Variants in NOSTRIN observed in about 807,000 individuals in gnomAD.
The protein encoded by NOSTRIN is BM247 homolog.
Under a neutral mutation model 59.0 loss-of-function variants are expected in NOSTRIN, and 63 were observed. The observed-to-expected ratio is 1.07, with a 90% CI of 0.87 to 1.32. NOSTRIN has a LOEUF of 1.32. Among genes scored for constraint, NOSTRIN ranks in the 40% most tolerant of loss-of-function variants. The pLI, the probability that NOSTRIN is intolerant of heterozygous loss-of-function variation, is 0.00. For missense variants in NOSTRIN, 512 were observed against 473.1 expected (o/e 1.08, Z -0.76); for synonymous variants, 200 against 165.4 (o/e 1.21, Z -1.61).
intron 7 of NOSTRIN, among the ~76,000 whole-genome samples, chr2:168,834,541 A>ACACACACACACACACACACACACC (rs58702721): frequency 9.3e-5 from 13 of 140,358 alleles, no homozygotes; most frequent in African/African-American, 1.8e-4. Flanking sequence ...ACACACACAC[A>ACACACACACACACACACACACACC]CCACATACAT....
chr2:168,797,783 G>T (rs1685525245), upstream of NOSTRIN, among the ~76,000 whole-genome samples: 1 of 151,984 alleles, frequency 6.6e-6, no homozygotes, highest in South Asian at 2.1e-4. Flanking sequence ...TTTGAGACAA[G>T]CTTGGGCAAC....
chr2:168,856,922 T>A (rs1233635374), intron 12 of NOSTRIN, 144 bp downstream of exon 12: 6 of 687,850 alleles, frequency 8.7e-6, no homozygotes, highest in African/African-American at 1.8e-5. Flanking sequence ...TAGGGTCAGC[T>A]TCATAAGTCA....
At chr2:168,861,318 T>C (rs538669587) in intron 14 of NOSTRIN, among the ~76,000 whole-genome samples, 2 of 152,280 alleles carry the variant, frequency 1.3e-5, no homozygotes, top group South Asian at 4.1e-4. Flanking sequence ...CTTGGACTCA[T>C]GGCCTACAAA....
exon 2 of NOSTRIN, chr2:168,787,981 G>T (rs1468438977): frequency 6.6e-6 from 1 of 152,002 alleles, no homozygotes; most frequent in Non-Finnish European, 1.5e-5. Flanking sequence ...GCAGAACCTT[G>T]AGAAATACCC....
At chr2:168,820,943 C>T (rs182200466) in intron 2 of NOSTRIN, among the ~76,000 whole-genome samples, 2 of 152,322 alleles carry the variant, frequency 1.3e-5, no homozygotes, top group Admixed American at 6.5e-5. Context: ...GAGGCTGTGA[C>T]TGACAGTGTT....
intron 15 of NOSTRIN, among the ~76,000 whole-genome samples, chr2:168,864,173 G>A (rs1270574811): frequency 2.6e-5 from 4 of 151,986 alleles, no homozygotes; most frequent in Non-Finnish European, 4.4e-5. Context: ...TCACCATGTT[G>A]GCCAGGCTGG....
At chr2:168,864,511 T>TCCTGA (rs1689729109) in intron 15 of NOSTRIN, among the ~76,000 whole-genome samples, 1 of 151,518 alleles carries the variant, frequency 6.6e-6, no homozygotes, top group African/African-American at 2.4e-5. Flanking sequence ...GTCTCGAAAC[T>TCCTGA]CCTGACCTTG....
At chr2:168,808,687 T>G (rs1402179939) in intron 1 of NOSTRIN, among the ~76,000 whole-genome samples, 2 of 152,214 alleles carry the variant, frequency 1.3e-5, no homozygotes, top group Non-Finnish European at 2.9e-5. Flanking sequence ...ATCATAAAAT[T>G]TTATTGAACA....
intron 1 of NOSTRIN, among the ~76,000 whole-genome samples, chr2:168,808,526 C>G (rs1370846666): frequency 6.6e-6 from 1 of 152,226 alleles, no homozygotes. Flanking sequence ...CTCTCTTGCA[C>G]AAGGCCCCAT....
intron 7 of NOSTRIN, among the ~76,000 whole-genome samples, chr2:168,842,498 AAGT>A (rs1317914082): frequency 6.6e-6 from 1 of 152,216 alleles, no homozygotes; most frequent in Non-Finnish European, 1.5e-5. Context: ...TATATAGTAA[AAGT>A]AAAATAATAT....
intron 2 of NOSTRIN, among the ~76,000 whole-genome samples, chr2:168,790,020 GC>G (rs1386190708): frequency 1.3e-5 from 2 of 152,196 alleles, no homozygotes; most frequent in Non-Finnish European, 2.9e-5. Context: ...GTCCTAACAG[GC>G]CCCCAGCCAG....
chr2:168,824,710 A>G lies in NOSTRIN; in HGVS notation c.190A>G (p.Arg64Gly). The change falls in exon 3 of 16, where the codon AGA (arginine) becomes GGA (glycine). Residue 64 changes from arginine to glycine, a missense_variant. Transcript: ENST00000317647. The stretch of plus-strand genomic sequence containing the variant: ...GCTGAGCAAAGCATTACAGAACACG[A>G]GAAAAAGGTAAGTATTGTGGCAGAG... ...SKLSKALQNT[R>G]KSCVSSAWAW... 1 of 872,698 alleles carries G rather than the reference A, an allele frequency of 1.1e-6. No homozygotes were observed. The highest frequency in any genetic ancestry group is 2.0e-6 in the Non-Finnish European group (1 of 501,506). 54.1% of individuals were successfully genotyped at this position (872,698 alleles called of 1,614,324 possible).
chr2:168,834,321 GGAA>G lies in NOSTRIN; in HGVS notation c.502_504del (p.Lys168del), dbSNP rs1439695416. ...CAATCTATGACTGAGAAGGAGAAGC[GGAA>G]GGTAAGCTGTCATGGCTGGCTGGGC... On this transcript the variant is annotated inframe_deletion and splice_region_variant, in exon 7 of 16. Transcript: ENST00000317647. The G allele has an allele frequency of 5.7e-6, 5 of 872,368 alleles. No individual in the cohort carries two copies. Among genetic ancestry groups the G allele is most frequent in the African/African-American group, 3.3e-5 (2 of 61,220 alleles). The allele number at this position is 872,368 out of a possible 1,614,324, so 54.0% of individuals were successfully genotyped here.
intron 1 of NOSTRIN, among the ~76,000 whole-genome samples, chr2:168,805,288 A>G (rs1316771086): frequency 6.6e-6 from 1 of 152,214 alleles, no homozygotes. Context: ...GCTGTGTAGG[A>G]TTAATCTTGA....
intron 8 of NOSTRIN, among the ~76,000 whole-genome samples, chr2:168,848,838 G>GA (rs1559134826): frequency 1.3e-5 from 2 of 152,112 alleles, no homozygotes; most frequent in Admixed American, 1.3e-4. Flanking sequence ...TTTGCAAGAT[G>GA]AAAAAAGTTT....
intron 2 of NOSTRIN, among the ~76,000 whole-genome samples, chr2:168,819,848 G>A (rs544758069): frequency 2.6e-5 from 4 of 152,260 alleles, no homozygotes; most frequent in Non-Finnish European, 1.5e-5. Context: ...GGCTAGCTCG[G>A]TGACATTTGC....
intron 1 of NOSTRIN, among the ~76,000 whole-genome samples, chr2:168,807,524 A>G (rs1685919628): frequency 6.6e-6 from 1 of 152,198 alleles, no homozygotes; most frequent in Admixed American, 6.5e-5. Flanking sequence ...GGCGTATAGT[A>G]TATAGGATCA....
chr2:168,842,204 T>C (rs1470222057), intron 7 of NOSTRIN, among the ~76,000 whole-genome samples: 3 of 152,204 alleles, frequency 2.0e-5, no homozygotes, highest in Non-Finnish European at 2.9e-5. Flanking sequence ...TTCTGGTTTC[T>C]ACCAATAGCC....
upstream of NOSTRIN, among the ~76,000 whole-genome samples, chr2:168,801,569 A>C (rs1416072289): frequency 6.6e-6 from 1 of 152,148 alleles, no homozygotes; most frequent in Non-Finnish European, 1.5e-5. Flanking sequence ...GGGCAGGTGA[A>C]TGGAGGCTGA....
Sources: allele counts gnomAD v4.1 joint callset (sites outside exome capture counted in the v4.1 genomes callset), GRCh38; gene constraint gnomAD v4.1.1; transcripts MANE v1.5; gene names NCBI Gene and HGNC (gene_info 2026-07-23, HGNC 2026-07-21).